The following RSPH1 variants were observed in gnomAD, a reference collection of about 807,000 sequenced individuals.
The protein encoded by RSPH1 is radial spoke head 1 homolog.
In RSPH1, 32 loss-of-function variants were observed where a neutral mutation model predicts 44.2. That is an observed-to-expected ratio of 0.72 (90% CI 0.55 to 0.97). RSPH1 has a LOEUF of 0.97. Ranked by LOEUF, RSPH1 falls within the 50% of genes least tolerant of loss-of-function variation. The pLI is 0.00. For missense variants in RSPH1, 391 were observed against 398.7 expected (o/e 0.98, Z 0.16); for synonymous variants, 134 against 147.3 (o/e 0.91, Z 0.65).
intron 5 of RSPH1, among the ~76,000 whole-genome samples, chr21:42,483,561 C>T (rs910014716): frequency 6.6e-6 from 1 of 151,996 alleles, no homozygotes; most frequent in Non-Finnish European, 1.5e-5. Context: ...CCATTTAAAT[C>T]ACATTGATTG....
chr21:42,493,581 A>G (rs2054257362), intron 1 of RSPH1, among the ~76,000 whole-genome samples: 1 of 152,108 alleles, frequency 6.6e-6, no homozygotes. Context: ...TGGCCTGAAG[A>G]GACCTTTGCC....
intron 6 of RSPH1, among the ~76,000 whole-genome samples, chr21:42,477,845 A>C (rs1401306486): frequency 9.2e-5 from 14 of 152,218 alleles, no homozygotes; most frequent in Non-Finnish European, 1.5e-5. Context: ...TAATATAAAA[A>C]ATCGTGTATT....
chr21:42,479,438 A>T (rs1354342713), intron 6 of RSPH1, among the ~76,000 whole-genome samples: 1 of 152,118 alleles, frequency 6.6e-6, no homozygotes, highest in East Asian at 1.9e-4. Flanking sequence ...TGAAATACTG[A>T]CTTCTAGGAA....
intron 3 of RSPH1, among the ~76,000 whole-genome samples, chr21:42,491,327 T>C (rs2054234073): frequency 1.3e-5 from 2 of 152,156 alleles, no homozygotes; most frequent in African/African-American, 2.4e-5. Flanking sequence ...GGAAACTCAG[T>C]TGGTGTTCAC....
chr21:42,476,545 A>G (rs1470877192), intron 7 of RSPH1, among the ~76,000 whole-genome samples: 3 of 152,100 alleles, frequency 2.0e-5, no homozygotes, highest in Non-Finnish European at 4.4e-5. Flanking sequence ...GCCACCTTCA[A>G]CTTTCCCCAG....
intron 6 of RSPH1, 122 bp downstream of exon 6, chr21:42,482,515 G>A: frequency 1.5e-6 from 1 of 647,676 alleles, no homozygotes; most frequent in Non-Finnish European, 2.7e-6. Context: ...AAATGAAAAT[G>A]TGAAAGTGCC....
At chr21:42,482,541 C>G in intron 6 of RSPH1, 96 bp downstream of exon 6, 1 of 847,894 alleles carries the variant, frequency 1.2e-6, no homozygotes, top group Non-Finnish European at 1.9e-6. Flanking sequence ...GTTGGCATAA[C>G]TTTTAGGCGA....
intron 5 of RSPH1, chr21:42,484,825 G>A (rs1237587559): frequency 6.6e-6 from 1 of 152,094 alleles, no homozygotes; most frequent in Admixed American, 6.5e-5. Flanking sequence ...ACAATGTATG[G>A]GTTTGAGGGG....
intron 3 of RSPH1, among the ~76,000 whole-genome samples, chr21:42,491,156 T>C (rs1281253607): frequency 6.6e-6 from 1 of 152,200 alleles, no homozygotes; most frequent in Non-Finnish European, 1.5e-5. Flanking sequence ...TAGGGTGTTG[T>C]AGGAACCCCC....
At chr21:42,488,587 T>C (rs892918807) in intron 3 of RSPH1, among the ~76,000 whole-genome samples, 1 of 152,214 alleles carries the variant, frequency 6.6e-6, no homozygotes, top group African/African-American at 2.4e-5. Flanking sequence ...TTACATATTT[T>C]GCAGAAAAAT....
At chr21:42,477,698 T>C (rs1001151204) in intron 6 of RSPH1, among the ~76,000 whole-genome samples, 4 of 152,188 alleles carry the variant, frequency 2.6e-5, no homozygotes, top group Non-Finnish European at 4.4e-5. Context: ...AGCTTTATAA[T>C]GGGTGCCACA....
At position 42,486,453 on chromosome 21, in the gene RSPH1, C is replaced by T. The variant is rs1261214958; in HGVS notation, c.283G>A (p.Ala95Thr). The T allele has an allele frequency of 6.2e-7, 1 of 1,613,234 alleles. No individual in the cohort carries two copies. The highest frequency in any genetic ancestry group is 2.2e-5 in the East Asian group (1 of 44,888). Residue 95 changes from alanine to threonine, a missense_variant, in exon 4 of 9, where the codon GCA (alanine) becomes ACA (threonine). By Grantham distance (58) the Ala-to-Thr change is moderately conservative. Coordinates refer to ENST00000291536, the MANE Select transcript of RSPH1 (RefSeq NM_080860.4). ...CCATGGCCGTGCCGCAGGTCATTTGCCCACTCTCCTGAAAGGAACAACACA... is the reference window on the plus strand; with the variant it reads ...CCATGGCCGTGCCGCAGGTCATTTGTCCACTCTCCTGAAAGGAACAACACA... Reference protein sequence around the residue: ...PDGSRYEGEWANDLRHGHGVY... With the variant: ...PDGSRYEGEWTNDLRHGHGVY...
At position 42,485,731 on chromosome 21, in the gene RSPH1, C is replaced by T. The variant is rs199526119; in HGVS notation, c.439G>A (p.Glu147Lys). The T allele has an allele frequency of 1.9e-6, 3 of 1,614,218 alleles. No homozygotes were observed. The highest frequency in any genetic ancestry group is 1.3e-5 in the African/African-American group (1 of 75,052). The change falls in exon 5 of 9, where the codon GAG (glutamate) becomes AAG (lysine). Residue 147 changes from glutamate (E) to lysine (K), a missense_variant. Physicochemically the swap from Glu to Lys is moderately conservative, Grantham distance 56 (BLOSUM62 1). Transcript: ENST00000291536. ...YVGTWVNGQQ[E>K]GTAELIHLNH... is the part of the protein sequence containing the mutation. ...AGGTGAATGAGCTCGGCCGTGCCCT[C>T]CTGCTGTCCGTTCACCCAGGTGCCA...
chr21:42,478,286 T>C (rs2054091735), intron 6 of RSPH1, among the ~76,000 whole-genome samples: 1 of 152,246 alleles, frequency 6.6e-6, no homozygotes, highest in Admixed American at 6.5e-5. Context: ...ACCTGCCTCT[T>C]CCACTGAGTC....
chr21:42,491,031 T>A (rs1601636100), intron 3 of RSPH1, among the ~76,000 whole-genome samples: 1 of 152,358 alleles, frequency 6.6e-6, no homozygotes, highest in East Asian at 1.9e-4. Flanking sequence ...CCTTGCCCTC[T>A]GTACCTCTGA....
chr21:42,480,501 G>A (rs568493318), intron 6 of RSPH1, among the ~76,000 whole-genome samples: 7 of 152,010 alleles, frequency 4.6e-5, no homozygotes, highest in Non-Finnish European at 1.0e-4. Flanking sequence ...TTAGCTGGGC[G>A]TGGTGGCACA....
chr21:42,491,324 CAGTT>C (rs1422339012), intron 3 of RSPH1, among the ~76,000 whole-genome samples: 2 of 152,162 alleles, frequency 1.3e-5, no homozygotes, highest in Non-Finnish European at 2.9e-5. Context: ...ATTGGAAACT[CAGTT>C]GGTGTTCACA....
In RSPH1 at chr21:42,477,381, G is replaced by A. The variant is rs146298259; in HGVS notation, c.637C>T (p.Gln213Ter). The A allele has an allele frequency of 2.4e-5, 38 of 1,612,486 alleles. No homozygotes were observed. Among genetic ancestry groups the A allele is most frequent in the East Asian group, 4.5e-5 (2 of 44,858 alleles). ...GTCCACAGGGCCAATTCAGTGATTT[G>A]GGTAGCTTTCCATTTTGGAACAACA... Reference protein sequence around the residue: ...VTVVPKWKATQITELALWTPT... With the variant: ...VTVVPKWKAT The change falls in exon 7 of 9, where the codon CAA (glutamine) becomes TAA (stop). Residue 213 changes from glutamine to a stop codon, truncating the protein, a stop_gained. Transcript: ENST00000291536. LOFTEE classifies it high-confidence loss of function.
At position 42,485,829 on chromosome 21, in the gene RSPH1, T is replaced by C. The variant is rs147984815; in HGVS notation, c.366-25A>G. 1.1e-5 allele frequency: 18 copies of C among 1,613,914 alleles called. No individual in the cohort carries two copies. The African/African-American group carries it at 2.3e-4, about 20-fold the overall frequency. ...CCTGGTTAAGACAAGGGGAACATGG[T>C]ATTTCGTTCCAGCACAGTGAAAAAT... is the stretch of plus-strand genomic sequence containing the variant. On this transcript the variant is annotated intron_variant, in intron 4 of 8. Transcript: ENST00000291536.
Sources: gnomAD v4.1 joint callset for allele counts (sites outside exome capture counted in the v4.1 genomes callset) on GRCh38, gnomAD v4.1.1 for gene constraint, MANE v1.5 for transcripts, NCBI Gene and HGNC (gene_info 2026-07-23, HGNC 2026-07-21) for gene names.